TRAPPC9: variants seen among roughly 807,000 people sequenced by gnomAD.
TRAPPC9 encodes the protein IKK2 binding protein.
A neutral mutation model predicts 124.0 loss-of-function variants in TRAPPC9; 83 were observed. The ratio of observed to expected loss-of-function variants is 0.67; its 90% CI spans 0.56 to 0.80. The LOEUF (loss-of-function observed/expected upper bound fraction) is 0.80. Among genes scored for constraint, TRAPPC9 ranks in the 30% least tolerant of loss-of-function variants. TRAPPC9 has a pLI of 0.00. For synonymous variants in TRAPPC9, 638 were observed against 617.5 expected (o/e 1.03, Z -0.49); for missense variants, 1,302 against 1,508.3 (o/e 0.86, Z 2.27).
intron 5 of TRAPPC9, among the ~76,000 whole-genome samples, chr8:140,414,705 T>C (rs2069838279): frequency 6.6e-6 from 1 of 152,130 alleles, no homozygotes; most frequent in Admixed American, 6.5e-5. Flanking sequence ...AAATAACCAA[T>C]GGGTCAAAGA....
chr8:139,854,745 C>T (rs1586993813), intron 21 of TRAPPC9, among the ~76,000 whole-genome samples: 1 of 152,234 alleles, frequency 6.6e-6, no homozygotes, highest in African/African-American at 2.4e-5. Context: ...CTCACAGAAG[C>T]CTTGCTTGCA....
intron 21 of TRAPPC9, among the ~76,000 whole-genome samples, chr8:139,774,434 G>A (rs1316293972): frequency 6.6e-6 from 1 of 152,166 alleles, no homozygotes; most frequent in Non-Finnish European, 1.5e-5. Flanking sequence ...GTGAGTGCAT[G>A]TGTGCACACC....
intron 21 of TRAPPC9, among the ~76,000 whole-genome samples, chr8:139,884,768 T>C (rs1403509262): frequency 1.3e-5 from 2 of 152,120 alleles, no homozygotes; most frequent in African/African-American, 2.4e-5. Flanking sequence ...CTTTCCTTCC[T>C]GCCACTCAGG....
At position 139,777,701 on chromosome 8, in the gene TRAPPC9, G is replaced by T. The variant is rs571568247; in HGVS notation, c.3056-45499C>A. 7.2e-5 allele frequency among the ~76,000 whole-genome samples: 11 copies of T among 152,268 alleles called. No individual in the cohort carries two copies. The South Asian group carries it at 2.3e-3, about 32-fold the overall frequency. On this transcript the variant is annotated intron_variant, in intron 21 of 22. Coordinates refer to ENST00000438773, the MANE Select transcript of TRAPPC9 (RefSeq NM_001160372.4). The stretch of plus-strand genomic sequence containing the variant: ...AGTAACAAGGATAGATTTACCCTCC[G>T]CCTGGAACAAACAACATAAAACAAT...
chr8:140,011,595 C>T (rs1348161187), intron 18 of TRAPPC9, among the ~76,000 whole-genome samples: 3 of 147,046 alleles, frequency 2.0e-5, no homozygotes, highest in African/African-American at 7.5e-5. Context: ...CCTCTGCCTC[C>T]CGGGTTCAAG....
chr8:140,079,035 G>T (rs1843665299), intron 17 of TRAPPC9, among the ~76,000 whole-genome samples: 1 of 152,144 alleles, frequency 6.6e-6, no homozygotes. Flanking sequence ...AATCATAGGG[G>T]TGGGTATTTC....
At chr8:140,347,054 T>C (rs2067369595) in intron 9 of TRAPPC9, among the ~76,000 whole-genome samples, 2 of 152,144 alleles carry the variant, frequency 1.3e-5, no homozygotes, top group Admixed American at 1.3e-4. Context: ...ATCCCACCCA[T>C]AGCTCCTCTG....
chr8:139,755,751 C>G (rs1379387850), intron 21 of TRAPPC9, among the ~76,000 whole-genome samples: 5 of 127,672 alleles, frequency 3.9e-5, no homozygotes, highest in South Asian at 2.6e-4. Context: ...GACAGCAGGT[C>G]GCAGGGGGAG....
intron 19 of TRAPPC9, chr8:139,914,978 G>A (rs1430468446): frequency 2.6e-5 from 4 of 152,212 alleles, no homozygotes; most frequent in East Asian, 1.9e-4. Flanking sequence ...AAAGTGACTC[G>A]GAACCGTGGC....
At chr8:140,349,391 C>T (rs2067468976) in intron 9 of TRAPPC9, among the ~76,000 whole-genome samples, 1 of 110,576 alleles carries the variant, frequency 9.0e-6, no homozygotes, top group Admixed American at 9.3e-5. Context: ...CACAGCGGGG[C>T]CGATGGGGGC....
At chr8:140,183,948 AGAGGG>A (rs1563826094) in intron 17 of TRAPPC9, among the ~76,000 whole-genome samples, 10 of 17,506 alleles carry the variant, frequency 5.7e-4, no homozygotes, top group East Asian at 4.4e-3. Flanking sequence ...AGAGGAGAGG[AGAGGG>A]GAGGGGAGGG....
chr8:139,959,181 C>T (rs1281601062), intron 19 of TRAPPC9, among the ~76,000 whole-genome samples: 5 of 152,226 alleles, frequency 3.3e-5, no homozygotes, highest in Admixed American at 6.5e-5. Flanking sequence ...CACAGTTACC[C>T]GTGTGTAAAA....
intron 17 of TRAPPC9, among the ~76,000 whole-genome samples, chr8:140,073,794 T>C (rs1037469717): frequency 6.6e-6 from 1 of 152,210 alleles, no homozygotes; most frequent in Non-Finnish European, 1.5e-5. Flanking sequence ...ACGTTGATGA[T>C]TACTGAAGCT....
chr8:139,747,195 G>A lies in TRAPPC9; in HGVS notation c.3056-14993C>T, dbSNP rs1043714453. 1.1e-4 allele frequency among the ~76,000 whole-genome samples: 16 copies of A among 152,014 alleles called. No homozygotes were observed. The South Asian group carries it at 1.2e-3, about 12-fold the overall frequency. ...CTCTCGCCACCCAGGCAGGCCCCCC[G>A]CCCCCACCGCTCTGTGTGGCTCTGT... On this transcript the variant is annotated intron_variant, in intron 21 of 22. Transcript: ENST00000438773.
At chr8:140,314,967 G>C (rs1264345703) in intron 9 of TRAPPC9, among the ~76,000 whole-genome samples, 2 of 152,202 alleles carry the variant, frequency 1.3e-5, no homozygotes, top group African/African-American at 4.8e-5. Context: ...TAGCGGAATG[G>C]AAGATCATAC....
At chr8:140,339,147 G>C (rs1240256256) in intron 9 of TRAPPC9, among the ~76,000 whole-genome samples, 1 of 151,892 alleles carries the variant, frequency 6.6e-6, no homozygotes, top group Non-Finnish European at 1.5e-5. Context: ...CCAGAGAAAA[G>C]GCCTCAAAAC....
intron 21 of TRAPPC9, among the ~76,000 whole-genome samples, chr8:139,805,157 T>C (rs1823954722): frequency 6.6e-6 from 1 of 152,256 alleles, no homozygotes; most frequent in Non-Finnish European, 1.5e-5. Flanking sequence ...CCTTCCACTG[T>C]TGGATCCACA....
chr8:140,212,622 G>T (rs2063085659), intron 17 of TRAPPC9, among the ~76,000 whole-genome samples: 1 of 152,144 alleles, frequency 6.6e-6, no homozygotes, highest in South Asian at 2.1e-4. Context: ...TGACCTCACA[G>T]AATGACTTAA....
chr8:139,774,300 T>A (rs1027565162), intron 21 of TRAPPC9, among the ~76,000 whole-genome samples: 6 of 151,972 alleles, frequency 3.9e-5, no homozygotes, highest in African/African-American at 9.7e-5. Flanking sequence ...TGGAAGGCTC[T>A]GGAAGGGGCT....
Sources: allele counts gnomAD v4.1 joint callset (sites outside exome capture counted in the v4.1 genomes callset), GRCh38; gene constraint gnomAD v4.1.1; transcripts MANE v1.5; gene names NCBI Gene and HGNC (gene_info 2026-07-23, HGNC 2026-07-21).